GABPB1: variants seen among roughly 807,000 people sequenced by gnomAD.
GABPB1 encodes GA binding protein transcription factor subunit beta 1.
GABPB1 carries 15 observed loss-of-function variants against 45.9 expected under a neutral mutation model. That is an observed-to-expected ratio of 0.33 (90% CI 0.22 to 0.50). The LOEUF (loss-of-function observed/expected upper bound fraction) is 0.50. Among genes scored for constraint, GABPB1 ranks in the 20% least tolerant of loss-of-function variants. The pLI, the probability that GABPB1 is intolerant of heterozygous loss-of-function variation, is 0.98. For missense variants in GABPB1, 252 were observed against 457.5 expected, an observed-to-expected ratio of 0.55 and a Z score of 4.10; for synonymous variants, 143 against 154.4, an observed-to-expected ratio of 0.93 and a Z score of 0.55.
At chr15:50,319,026 T>C (rs918122130) in intron 1 of GABPB1, among the ~76,000 whole-genome samples, 3 of 152,148 alleles carry the variant, frequency 2.0e-5, no homozygotes, top group Non-Finnish European at 2.9e-5. Flanking sequence ...AAAATATGCA[T>C]AGGAATAGCT....
chr15:50,299,452 T>G (rs1567495188), intron 6 of GABPB1, among the ~76,000 whole-genome samples: 1 of 152,168 alleles, frequency 6.6e-6, no homozygotes, highest in African/African-American at 2.4e-5. Context: ...CAGGCTGGAG[T>G]GCAATGGCGT....
At chr15:50,354,053 GACAC>G (rs71747715) in intron 1 of GABPB1, 1 of 249,488 alleles carries the variant, frequency 4.0e-6, no homozygotes, top group Admixed American at 6.0e-5. Flanking sequence ...AAAGTGGGAA[GACAC>G]ACACAAAGCA....
At chr15:50,291,708 C>T (rs1247036703) in intron 6 of GABPB1, among the ~76,000 whole-genome samples, 4 of 151,566 alleles carry the variant, frequency 2.6e-5, no homozygotes, top group Non-Finnish European at 5.9e-5. Flanking sequence ...TCACTTGAGC[C>T]CAGGAGTTCA....
chr15:50,325,134 C>G (rs11858144), intron 1 of GABPB1, among the ~76,000 whole-genome samples: 4 of 152,066 alleles, frequency 2.6e-5, no homozygotes, highest in Non-Finnish European at 4.4e-5. Flanking sequence ...GAAGTCAGTA[C>G]AGGATGAAAT....
chr15:50,301,138 A>C, intron 5 of GABPB1, 119 bp downstream of exon 5: 1 of 1,387,996 alleles, frequency 7.2e-7, no homozygotes, highest in Non-Finnish European at 9.9e-7. Flanking sequence ...TCTTACCCTC[A>C]TTCTCCAACC....
rs1256010299 is a variant in GABPB1, at chr15:50,355,037, A to T, written c.-53T>A. The T allele has an allele frequency of 6.5e-6, 1 of 154,722 alleles. No homozygotes were observed. Among genetic ancestry groups the T allele is most frequent in the East Asian group, 1.9e-4 (1 of 5,176 alleles). 9.6% of individuals were successfully genotyped at this position (154,722 alleles called of 1,614,324 possible). On this transcript the variant is annotated 5_prime_UTR_variant, in exon 1 of 9. Coordinates refer to ENST00000380877, the MANE Select transcript of GABPB1 (RefSeq NM_016654.5). ...GAAGGCAGCAGGAGGTGGTGCGGGG[A>T]CCCGAGGCGCCTCGTACCCGGCCGG...
At chr15:50,343,000 C>T (rs1487318057) in intron 1 of GABPB1, among the ~76,000 whole-genome samples, 2 of 151,938 alleles carry the variant, frequency 1.3e-5, no homozygotes, top group Non-Finnish European at 2.9e-5. Context: ...CCCGGGTTCA[C>T]GCCATTCTCC....
intron 6 of GABPB1, among the ~76,000 whole-genome samples, chr15:50,297,421 G>A (rs1353991978): frequency 6.6e-6 from 1 of 151,844 alleles, no homozygotes; most frequent in East Asian, 1.9e-4. Context: ...GAAACATGTT[G>A]GCCAAGCTGG....
At chr15:50,334,555 T>G (rs1359615671) in intron 1 of GABPB1, among the ~76,000 whole-genome samples, 1 of 140,714 alleles carries the variant, frequency 7.1e-6, no homozygotes, top group Non-Finnish European at 1.5e-5. Context: ...TCACCCAGGC[T>G]GCAGCATGGT....
chr15:50,328,391 G>A (rs1023659004), intron 1 of GABPB1, among the ~76,000 whole-genome samples: 1 of 152,022 alleles, frequency 6.6e-6, no homozygotes, highest in Non-Finnish European at 1.5e-5. Context: ...AAGAATGGTC[G>A]GTTCATCTGT....
chr15:50,279,054 TG>T, intron 8 of GABPB1, among the ~76,000 whole-genome samples: 1 of 152,188 alleles, frequency 6.6e-6, no homozygotes, highest in Non-Finnish European at 1.5e-5. Flanking sequence ...GACTCCAAAC[TG>T]GGCACCTGTA....
chr15:50,331,177 T>C (rs2047935237), intron 1 of GABPB1, among the ~76,000 whole-genome samples: 1 of 152,240 alleles, frequency 6.6e-6, no homozygotes, highest in Admixed American at 6.5e-5. Context: ...CTCTGCCTAC[T>C]ACTGAATATT....
At chr15:50,285,979 A>G (rs566401976) in intron 8 of GABPB1, 89 bp downstream of exon 8, 3 of 1,550,528 alleles carry the variant, frequency 1.9e-6, no homozygotes, top group East Asian at 2.3e-5. Context: ...TATCAAAACA[A>G]TACTGTCAGT....
chr15:50,323,186 C>T (rs1254976114), intron 1 of GABPB1, among the ~76,000 whole-genome samples: 1 of 152,066 alleles, frequency 6.6e-6, no homozygotes, highest in Non-Finnish European at 1.5e-5. Context: ...TACTGCACAG[C>T]GGCTACTAGA....
intron 6 of GABPB1, among the ~76,000 whole-genome samples, chr15:50,295,602 T>C (rs904002847): frequency 6.7e-6 from 1 of 149,050 alleles, no homozygotes; most frequent in African/African-American, 2.5e-5. Flanking sequence ...CATAAGAAAA[T>C]ACATATCTGT....
rs541691444 is a variant in GABPB1, at chr15:50,328,253, T to A, written c.1-18455A>T. The stretch of plus-strand genomic sequence containing the variant: ...TATTCCTTTCTAAAAAAAAAAAAAA[T>A]TGTACTTTACAGCTTACACATGTTG... On this transcript the variant is annotated intron_variant, in intron 1 of 8. Coordinates refer to ENST00000380877, the MANE Select transcript of GABPB1 (RefSeq NM_016654.5). 2.6e-5 allele frequency among the ~76,000 whole-genome samples: 4 copies of A among 151,614 alleles called. No individual in the cohort carries two copies. In the East Asian group the frequency reaches 7.7e-4, roughly 29 times the overall value.
intron 8 of GABPB1, among the ~76,000 whole-genome samples, chr15:50,279,000 T>C (rs1000674696): frequency 6.6e-6 from 1 of 152,154 alleles, no homozygotes; most frequent in South Asian, 2.1e-4. Flanking sequence ...AATTTCTGAC[T>C]GCAAGGAAAT....
At chr15:50,321,650 C>T (rs1434014960) in intron 1 of GABPB1, among the ~76,000 whole-genome samples, 1 of 149,442 alleles carries the variant, frequency 6.7e-6, no homozygotes, top group Non-Finnish European at 1.5e-5. Context: ...TGCAGCGAGC[C>T]GAGATTCCGC....
intron 1 of GABPB1, among the ~76,000 whole-genome samples, chr15:50,335,913 A>AG (rs1405302238): frequency 8.5e-4 from 124 of 145,306 alleles, no homozygotes; most frequent in African/African-American, 2.8e-3. Flanking sequence ...AAAAAAAAAA[A>AG]AAAAGAAGAC....
Sources: gnomAD v4.1 joint callset for allele counts (sites outside exome capture counted in the v4.1 genomes callset) on GRCh38, gnomAD v4.1.1 for gene constraint, MANE v1.5 for transcripts, NCBI Gene and HGNC (gene_info 2026-07-23, HGNC 2026-07-21) for gene names.